Variants in CNNM1 observed in about 807,000 individuals in gnomAD.
CNNM1 encodes the protein metal transporter CNNM1.
CNNM1 carries 44 observed loss-of-function variants against 78.8 expected under a neutral mutation model. The observed-to-expected ratio is 0.56, with a 90% CI of 0.44 to 0.72. The LOEUF (loss-of-function observed/expected upper bound fraction) is 0.72. Ranked by LOEUF, CNNM1 falls within the 30% of genes least tolerant of loss-of-function variation. CNNM1 has a pLI of 0.00. For missense variants in CNNM1, 1,101 were observed against 1,292.2 expected (o/e 0.85, Z 2.27); for synonymous variants, 584 against 581.5 (o/e 1.00, Z -0.06).
rs1409743112 is a variant in CNNM1, at chr10:99,357,534, C to G, written c.1596C>G (p.Val532=). 7 of 1,613,284 alleles carry G rather than the reference C, an allele frequency of 4.3e-6. No homozygotes were observed. Among genetic ancestry groups the G allele is most frequent in the African/African-American group, 4.0e-5 (3 of 74,848 alleles). Residue 532 remains valine (V), a synonymous_variant, in exon 2 of 11, where the codon GTC becomes GTG. Transcript: ENST00000356713. ...TAGGAAAATCTCACCTGGCCATTGT[C>G]CAGCGGGTGAATAATGAGGGAGAAG... is the stretch of plus-strand genomic sequence containing the variant. ...FKKGKSHLAI[V]QRVNNEGEGD... is the part of the protein sequence containing the mutation.
At chr10:99,364,576 G>C in intron 5 of CNNM1, 60 bp downstream of exon 5, 4 of 1,381,230 alleles carry the variant, frequency 2.9e-6, no homozygotes, top group Non-Finnish European at 4.0e-6. Context: ...AAAAGCACAG[G>C]GGTTCAAGTC....
intron 9 of CNNM1, 93 bp from the exon 10 acceptor site, chr10:99,390,213 C>A: frequency 1.1e-6 from 1 of 908,650 alleles, no homozygotes. Context: ...TTAAACTTCA[C>A]TTGCTGAGGG....
At chr10:99,360,150 T>A (rs1297473844) in intron 2 of CNNM1, among the ~76,000 whole-genome samples, 1 of 152,212 alleles carries the variant, frequency 6.6e-6, no homozygotes, top group East Asian at 1.9e-4. Flanking sequence ...TCTTCTCCTC[T>A]CTTCTTCCCT....
At chr10:99,348,374 G>T (rs1461155258) in intron 1 of CNNM1, among the ~76,000 whole-genome samples, 1 of 152,140 alleles carries the variant, frequency 6.6e-6, no homozygotes, top group Non-Finnish European at 1.5e-5. Flanking sequence ...ATATGTATTT[G>T]CTTTATTATC....
chr10:99,357,088 C>T (rs1314459293), intron 1 of CNNM1, among the ~76,000 whole-genome samples: 1 of 152,072 alleles, frequency 6.6e-6, no homozygotes, highest in Non-Finnish European at 1.5e-5. Flanking sequence ...GATGGTAATT[C>T]AGTGGAGATT....
Position 99,340,876 on chromosome 10 carries a change from T to TCCTGCCTGCCTGCCTGCCTG in CNNM1, c.1573+9933_1573+9952dup, listed in dbSNP as rs562170205. 1.1e-3 allele frequency among the ~76,000 whole-genome samples: 157 copies of TCCTGCCTGCCTGCCTGCCTG among 138,234 alleles called. 2 individuals carry two copies. Among genetic ancestry groups the TCCTGCCTGCCTGCCTGCCTG allele is most frequent in the African/African-American group, 3.3e-3 (110 of 33,312 alleles). The allele number at this position is 138,234 out of a possible 152,430, so 90.7% of individuals were successfully genotyped here. A position where few individuals can be genotyped will look rare whatever the true frequency, so the allele number is the denominator to read the frequency against. The stretch of plus-strand genomic sequence containing the variant: ...CTCCTTCCCCGCTTCCTTCCTTCCT[T>TCCTGCCTGCCTGCCTGCCTG]CCTGCCTGCCTGCCTGCCTGCCTGC... On this transcript the variant is annotated intron_variant, in intron 1 of 10. Transcript: ENST00000356713.
At chr10:99,339,541 C>T (rs757019693) in intron 1 of CNNM1, among the ~76,000 whole-genome samples, 33 of 152,186 alleles carry the variant, frequency 2.2e-4, no homozygotes, top group African/African-American at 7.5e-4. Context: ...GAGCGAGAAC[C>T]CTATTGTGAA....
At chr10:99,346,530 C>T (rs535518870) in intron 1 of CNNM1, among the ~76,000 whole-genome samples, 10 of 152,322 alleles carry the variant, frequency 6.6e-5, no homozygotes, top group Non-Finnish European at 7.3e-5. Flanking sequence ...TTGATCTCTT[C>T]TCTGTCTACT....
In CNNM1 at chr10:99,388,168, G is replaced by A; in HGVS notation, c.2541G>A (p.Gly847=). The change falls in exon 9 of 11, where the codon GGG becomes GGA. Residue 847 remains glycine, a synonymous_variant. Transcript: ENST00000356713. The stretch of plus-strand genomic sequence containing the variant: ...CCTCCCCAGGCAGCCGCTCAGACGG[G>A]CTGAGAAGCCCCAGCGAGGTAGTGT... ...RNSLPCSRSD[G]LRSPSEVVYL... is the part of the protein sequence containing the mutation. 6.2e-7 allele frequency: 1 copy of A among 1,613,758 alleles called. No homozygotes were observed. The highest frequency in any genetic ancestry group is 8.5e-7 in the Non-Finnish European group (1 of 1,179,848).
intron 9 of CNNM1, 64 bp downstream of exon 9, chr10:99,388,365 C>T: frequency 6.4e-7 from 1 of 1,551,080 alleles, no homozygotes; most frequent in Non-Finnish European, 8.7e-7. Context: ...ACTGGGATGG[C>T]CCAGGGAAAG....
chr10:99,365,002 C>T lies in CNNM1; in HGVS notation c.2176C>T (p.Leu726=), dbSNP rs749240498. The T allele has an allele frequency of 8.7e-6, 14 of 1,613,720 alleles. No individual in the cohort carries two copies. The highest frequency in any genetic ancestry group is 3.3e-5 in the South Asian group (3 of 91,060). ...AAGTCTGGCTGGATCTTCTGTCTTT[C>T]GTATGTATCTCTCAAACCCCTTCCT... is the stretch of plus-strand genomic sequence containing the variant. ...VGSLAGSSVF[L]NRSPSRCSGL... The change falls in exon 6 of 11, where the codon CTA becomes TTA. Residue 726 remains leucine, a splice_region_variant and synonymous_variant. Transcript: ENST00000356713.
Position 99,338,371 on chromosome 10 carries a change from C to T in CNNM1, c.1573+7411C>T, listed in dbSNP as rs151300510. Among the ~76,000 whole-genome samples the T allele has an allele frequency of 3.7e-3, 559 of 150,854 alleles. 1 individual carries two copies. The highest frequency in any genetic ancestry group is 8.7e-3 in the African/African-American group (357 of 40,904). Reference sequence around the variant, plus strand: ...AGTGCAGTGGTGTGATCTCGCCTCCCAGGTTCAAGCGATTCTCCTGCCTCA... The same window carrying T: ...AGTGCAGTGGTGTGATCTCGCCTCCTAGGTTCAAGCGATTCTCCTGCCTCA... On this transcript the variant is annotated intron_variant, in intron 1 of 10. Transcript: ENST00000356713.
Position 99,375,341 on chromosome 10 carries a change from G to T in CNNM1, c.2177-1714G>T, listed in dbSNP as rs185940498. ...GTCCAGGTGAGGCTGAGGTAGCTGG[G>T]ATTTGAGTGGAGACAGAGATAGGAC... On this transcript the variant is annotated intron_variant, in intron 6 of 10. Transcript: ENST00000356713. Among the ~76,000 whole-genome samples the T allele has an allele frequency of 3.1e-4, 47 of 152,262 alleles. No individual in the cohort carries two copies. The East Asian group carries it at 9.1e-3, about 29-fold the overall frequency.
chr10:99,357,704 A>G, intron 2 of CNNM1, 49 bp downstream of exon 2: 1 of 1,506,378 alleles, frequency 6.6e-7, no homozygotes, highest in Non-Finnish European at 8.9e-7. Context: ...ATTTTCCTCC[A>G]AGACTCTCAG....
intron 6 of CNNM1, among the ~76,000 whole-genome samples, chr10:99,365,550 TG>T (rs2031587502): frequency 6.6e-6 from 1 of 152,126 alleles, no homozygotes; most frequent in South Asian, 2.1e-4. Context: ...ATGCTGTTGG[TG>T]GGGGGCAGGC....
At chr10:99,346,247 G>T (rs568969878) in intron 1 of CNNM1, among the ~76,000 whole-genome samples, 6 of 152,190 alleles carry the variant, frequency 3.9e-5, no homozygotes, top group Non-Finnish European at 8.8e-5. Context: ...CCAAAAGGAT[G>T]AATGGTTAGG....
intron 1 of CNNM1, among the ~76,000 whole-genome samples, chr10:99,349,907 G>A (rs1179423561): frequency 6.6e-6 from 1 of 152,200 alleles, no homozygotes; most frequent in Non-Finnish European, 1.5e-5. Flanking sequence ...GCTGAGGCAG[G>A]AGAATTGCTT....
chr10:99,368,205 G>A (rs2031686543), intron 6 of CNNM1: 1 of 217,656 alleles, frequency 4.6e-6, no homozygotes, highest in South Asian at 7.3e-5. Context: ...CTGAGTACCT[G>A]TGCAGGTGCC....
chr10:99,383,252 AT>A (rs953126696), intron 7 of CNNM1, among the ~76,000 whole-genome samples: 162 of 151,556 alleles, frequency 1.1e-3, no homozygotes, highest in African/African-American at 3.8e-3. Flanking sequence ...ATTATGTGGA[AT>A]TTTTTTTTGT....
Sources: allele counts gnomAD v4.1 joint callset (sites outside exome capture counted in the v4.1 genomes callset), GRCh38; gene constraint gnomAD v4.1.1; transcripts MANE v1.5; gene names NCBI Gene and HGNC (gene_info 2026-07-23, HGNC 2026-07-21).